The following LDLRAP1 variants were observed in gnomAD, a reference collection of about 807,000 sequenced individuals.
The protein encoded by LDLRAP1 is low density lipoprotein receptor adapter protein 1.
LDLRAP1 carries 30 observed loss-of-function variants against 37.8 expected under a neutral mutation model. The observed-to-expected ratio is 0.79, with a 90% confidence interval of 0.59 to 1.08. LDLRAP1 has a LOEUF of 1.08. Among genes scored for constraint, LDLRAP1 ranks in the 50% least tolerant of loss-of-function variants. The pLI, the probability that LDLRAP1 is intolerant of heterozygous loss-of-function variation, is 0.00. For synonymous variants in LDLRAP1, 156 were observed against 169.8 expected, an observed-to-expected ratio of 0.92 and a Z score of 0.63; for missense variants, 375 against 401.6, an observed-to-expected ratio of 0.93 and a Z score of 0.57.
chr1:25,549,261 G>GCC (rs1372293564), intron 1 of LDLRAP1, among the ~76,000 whole-genome samples: 1 of 152,200 alleles, frequency 6.6e-6, no homozygotes, highest in Non-Finnish European at 1.5e-5. Flanking sequence ...CAGAGCTTGA[G>GCC]CCCTCTTCTG....
At chr1:25,558,888 G>A (rs1393768866) in intron 4 of LDLRAP1, among the ~76,000 whole-genome samples, 6 of 152,210 alleles carry the variant, frequency 3.9e-5, no homozygotes, top group South Asian at 4.1e-4. Context: ...TGTCATGGAA[G>A]AGGCACTGTA....
intron 4 of LDLRAP1, among the ~76,000 whole-genome samples, chr1:25,561,880 A>C (rs1572049683): frequency 6.6e-6 from 1 of 152,112 alleles, no homozygotes; most frequent in East Asian, 1.9e-4. Flanking sequence ...AGCCAGTGAC[A>C]CTTTCACATG....
intron 4 of LDLRAP1, among the ~76,000 whole-genome samples, chr1:25,561,730 A>C (rs929966039): frequency 6.6e-6 from 1 of 152,196 alleles, no homozygotes; most frequent in African/African-American, 2.4e-5. Context: ...GGGTGGAATG[A>C]GGCCTGCACC....
At position 25,554,134 on chromosome 1, in the gene LDLRAP1, G is replaced by A. The variant is rs139418909; in HGVS notation, c.231+70G>A. 5.4e-5 allele frequency: 86 copies of A among 1,581,868 alleles called. 1 individual carries two copies. Among genetic ancestry groups the A allele is most frequent in the Middle Eastern group, 5.4e-4 (3 of 5,554 alleles). On this transcript the variant is annotated intron_variant, in intron 2 of 8. Transcript: ENST00000374338. This position sits in a 1 kb window ranked among gnomAD's most constrained non-coding sequence, Gnocchi z 5.4. ...ACCAGCTTCTTCCCAGGGTGCCCTC[G>A]TCCCAGCTTGTTACTCCAGTTGGGT...
In LDLRAP1 at chr1:25,554,767, C is replaced by G; in HGVS notation, c.232-93C>G. ...CAGTCACCTGAGCTGAGATGGGCCCCGTGCCTGGGGCTTAGGAACAGTGAA... is the reference window on the plus strand; with the variant it reads ...CAGTCACCTGAGCTGAGATGGGCCCGGTGCCTGGGGCTTAGGAACAGTGAA... On this transcript the variant is annotated intron_variant, in intron 2 of 8. Coordinates refer to ENST00000374338, the MANE Select transcript of LDLRAP1 (RefSeq NM_015627.3). This position sits in a 1 kb window ranked among gnomAD's most constrained non-coding sequence, Gnocchi z 5.4. 2 of 991,344 alleles carry G rather than the reference C, an allele frequency of 2.0e-6. No individual in the cohort carries two copies. Among genetic ancestry groups the G allele is most frequent in the Non-Finnish European group, 3.1e-6 (2 of 639,614 alleles). 61.4% of individuals were successfully genotyped at this position (991,344 alleles called of 1,614,324 possible).
In LDLRAP1 at chr1:25,543,799, G is replaced by A. The variant is rs1557692039; in HGVS notation, c.88+13G>A. 24 of 1,202,782 alleles carry A rather than the reference G, an allele frequency of 2.0e-5. No homozygotes were observed. Among genetic ancestry groups the A allele is most frequent in the Middle Eastern group, 6.5e-4 (2 of 3,074 alleles). 74.5% of individuals were successfully genotyped at this position (1,202,782 alleles called of 1,614,324 possible). On this transcript the variant is annotated intron_variant, in intron 1 of 8. Transcript: ENST00000374338. ...GGCCGGCACCGCAGTGAGTGTGCGC[G>A]CGTCAGCCGGGCCGGGCCGGGATCG...
intron 4 of LDLRAP1, 188 bp downstream of exon 4, chr1:25,557,455 A>G: frequency 1.6e-6 from 1 of 606,934 alleles, no homozygotes; most frequent in South Asian, 1.9e-5. Context: ...GCAGGCAGGC[A>G]GGTGAACCGC....
intron 8 of LDLRAP1, 56 bp from the exon 9 acceptor site, chr1:25,566,792 C>G: frequency 6.3e-7 from 1 of 1,576,130 alleles, no homozygotes; most frequent in East Asian, 2.4e-5. Context: ...CGCGTCTGAC[C>G]CTGGGGCGCG....
rs1171137449 is a variant in LDLRAP1 at position 25,554,712 on chromosome 1, C to T, written c.232-148C>T. ...CTCCTGTTTCTATTGCAAGAAGGTG[C>T]TGGCTGAGTGGTCTTGCCCACACTG... On this transcript the variant is annotated intron_variant, in intron 2 of 8. Transcript: ENST00000374338. The surrounding 1 kb of genome is among the most constrained non-coding windows in gnomAD (Gnocchi z 5.4). 1.4e-6 allele frequency: 1 copy of T among 698,472 alleles called. No homozygotes were observed. Among genetic ancestry groups the T allele is most frequent in the East Asian group, 2.7e-5 (1 of 37,058 alleles). 43.3% of individuals were successfully genotyped at this position (698,472 alleles called of 1,614,324 possible).
intron 4 of LDLRAP1, 117 bp downstream of exon 4, chr1:25,557,384 G>A (rs552467673): frequency 2.5e-6 from 2 of 797,682 alleles, no homozygotes; most frequent in South Asian, 3.1e-5. Context: ...CTTAAGAAGA[G>A]GGTGAAATCT....
At chr1:25,562,749 G>A (rs754353618) in intron 5 of LDLRAP1, 33 bp downstream of exon 5, 1 of 1,587,450 alleles carries the variant, frequency 6.3e-7, no homozygotes, top group East Asian at 2.2e-5. Flanking sequence ...TGGGTGTGGT[G>A]GGAGGTGGGG....
At chr1:25,543,835 C>T (rs998274754) in intron 1 of LDLRAP1, 49 bp downstream of exon 1, 187 of 1,151,608 alleles carry the variant, frequency 1.6e-4, no homozygotes, top group Admixed American at 2.7e-4. Context: ...GGCAGAGGCG[C>T]GCGGGGCCTC....
At chr1:25,573,610 C>T (rs1045815858), downstream of LDLRAP1, among the ~76,000 whole-genome samples, 3 of 152,278 alleles carry the variant, frequency 2.0e-5, no homozygotes, top group South Asian at 6.2e-4. Flanking sequence ...TGTTGGGGGG[C>T]AGGGAGGGTA....
intron 1 of LDLRAP1, among the ~76,000 whole-genome samples, chr1:25,547,483 AAAT>A (rs1572021430): frequency 6.9e-6 from 1 of 144,512 alleles, no homozygotes; most frequent in African/African-American, 2.8e-5. Flanking sequence ...ACTTTGTCTC[AAAT>A]AATAAATAAA....
chr1:25,573,702 T>C (rs997154332), downstream of LDLRAP1, among the ~76,000 whole-genome samples: 2 of 152,144 alleles, frequency 1.3e-5, no homozygotes, highest in African/African-American at 4.8e-5. Context: ...TTGCACACGT[T>C]ACGTAATCCT....
intron 7 of LDLRAP1, 116 bp downstream of exon 7, chr1:25,563,907 C>G: frequency 7.2e-7 from 1 of 1,386,484 alleles, no homozygotes; most frequent in African/African-American, 1.4e-5. Flanking sequence ...CTGGGAGGAC[C>G]AGACCCAGCC....
chr1:25,552,337 A>G (rs1032487530), intron 1 of LDLRAP1, among the ~76,000 whole-genome samples: 2 of 152,200 alleles, frequency 1.3e-5, no homozygotes, highest in Admixed American at 1.3e-4. Flanking sequence ...TGGCTTTTCA[A>G]TCAGAGCCAG....
At position 25,544,604 on chromosome 1, in the gene LDLRAP1, C is replaced by A. The variant is rs1240477974; in HGVS notation, c.88+818C>A. On this transcript the variant is annotated intron_variant, in intron 1 of 8. Transcript: ENST00000374338. The surrounding 1 kb of genome is among the most constrained non-coding windows in gnomAD (Gnocchi z 4.8). ...CTGGGAGGGGCCTCCCCCCCTTTCTCTCCCCCAGTCTCTGATTACGCTCAG... is the reference window on the plus strand; with the variant it reads ...CTGGGAGGGGCCTCCCCCCCTTTCTATCCCCCAGTCTCTGATTACGCTCAG... 6.6e-6 allele frequency among the ~76,000 whole-genome samples: 1 copy of A among 152,188 alleles called. No homozygotes were observed.
intron 8 of LDLRAP1, 76 bp downstream of exon 8, chr1:25,565,283 C>A: frequency 6.6e-7 from 1 of 1,519,762 alleles, no homozygotes; most frequent in African/African-American, 1.4e-5. Context: ...TCCTGGGGAC[C>A]TTTCCCCTGA....
Sources: allele counts gnomAD v4.1 joint callset (sites outside exome capture counted in the v4.1 genomes callset), GRCh38; gene constraint gnomAD v4.1.1; non-coding constraint Gnocchi (gnomAD v3.1); transcripts MANE v1.5; gene names NCBI Gene and HGNC (gene_info 2026-07-23, HGNC 2026-07-21).